Variants in DHRSX observed in about 807,000 individuals in gnomAD.
The protein encoded by DHRSX is dehydrogenase/reductase X-linked, also known as polyprenol dehydrogenase.
A neutral mutation model predicts 34.0 loss-of-function variants in DHRSX; 31 were observed. The observed-to-expected ratio is 0.91, with a 90% confidence interval of 0.69 to 1.23. The LOEUF (loss-of-function observed/expected upper bound fraction) is 1.23, where lower values mean the gene tolerates loss of function less well. Among genes scored for constraint, DHRSX ranks in the 50% most tolerant of loss-of-function variants. The pLI is 0.00. For synonymous variants in DHRSX, 201 were observed against 183.8 expected (o/e 1.09, Z -0.76); for missense variants, 414 against 428.1 (o/e 0.97, Z 0.29).
intron 6 of DHRSX, among the ~76,000 whole-genome samples, chrX:2,230,466 G>A (rs1346068072): frequency 6.6e-6 from 1 of 152,190 alleles, no homozygotes; most frequent in Non-Finnish European, 1.5e-5. Context: ...GCTGTTTAAT[G>A]TCAGGTAACA....
At chrX:2,394,788 C>G (rs2043388580) in intron 3 of DHRSX, among the ~76,000 whole-genome samples, 1 of 151,964 alleles carries the variant, frequency 6.6e-6, no homozygotes, top group African/African-American at 2.4e-5. Flanking sequence ...ATGGCGTGAA[C>G]CTGGGAGGCG....
intron 1 of DHRSX, among the ~76,000 whole-genome samples, chrX:2,469,822 C>T (rs1464138226): frequency 3.3e-5 from 5 of 152,186 alleles, no homozygotes; most frequent in African/African-American, 1.2e-4. Flanking sequence ...ATAGTGAAGA[C>T]GTTCCAAAGG....
rs1045372193 is a variant in DHRSX at position 2,461,250 on chromosome X, G to A, written c.110-35946C>T. On this transcript the variant is annotated intron_variant, in intron 1 of 6. Coordinates refer to ENST00000334651, the MANE Select transcript of DHRSX (RefSeq NM_145177.3). ...TTAAACACAAATAAAATAGGAGTCC[G>A]GTGACCTCGAACACCCCAGGGTAAG... Among the ~76,000 whole-genome samples the A allele has an allele frequency of 2.2e-4, 33 of 152,250 alleles. No homozygotes were observed. The South Asian group carries it at 2.3e-3, about 11-fold the overall frequency.
At chrX:2,492,100 A>G (rs2045164981) in intron 1 of DHRSX, among the ~76,000 whole-genome samples, 1 of 152,330 alleles carries the variant, frequency 6.6e-6, no homozygotes, top group East Asian at 1.9e-4. Flanking sequence ...TATTTCAATG[A>G]TGACTATAGT....
At chrX:2,402,968 C>T (rs1236317599) in intron 3 of DHRSX, among the ~76,000 whole-genome samples, 2 of 150,556 alleles carry the variant, frequency 1.3e-5, no homozygotes, top group Admixed American at 6.6e-5. Flanking sequence ...CAGCAACCTC[C>T]GCCTCCCAGA....
At chrX:2,405,966 G>A (rs1052294364) in intron 3 of DHRSX, among the ~76,000 whole-genome samples, 1 of 151,700 alleles carries the variant, frequency 6.6e-6, no homozygotes, top group African/African-American at 2.4e-5. Context: ...TTAGCATTTG[G>A]ATGGCCAACA....
At chrX:2,455,598 G>C (rs925265048) in intron 1 of DHRSX, among the ~76,000 whole-genome samples, 3 of 151,748 alleles carry the variant, frequency 2.0e-5, no homozygotes, top group African/African-American at 4.8e-5. Context: ...AAAATTAGTC[G>C]GGCATGGTGG....
At chrX:2,293,890 G>A (rs34579228) in intron 3 of DHRSX, among the ~76,000 whole-genome samples, 56,371 of 151,814 alleles carry the variant, frequency 0.37, 11,639 homozygotes, top group Middle Eastern at 0.53. Flanking sequence ...TCAATTTTAT[G>A]ACAGACACAC....
intron 6 of DHRSX, among the ~76,000 whole-genome samples, chrX:2,241,993 C>T (rs1235305310): frequency 6.6e-6 from 1 of 152,104 alleles, no homozygotes; most frequent in Non-Finnish European, 1.5e-5. Flanking sequence ...CCATTGACTT[C>T]TCTTTAAAAT....
chrX:2,362,577 G>A (rs1427685942), intron 3 of DHRSX, among the ~76,000 whole-genome samples: 1 of 152,192 alleles, frequency 6.6e-6, no homozygotes, highest in Non-Finnish European at 1.5e-5. Context: ...AGGATTGCCG[G>A]CATAAGCCAC....
chrX:2,362,439 T>G (rs2042944285), intron 3 of DHRSX, among the ~76,000 whole-genome samples: 1 of 152,164 alleles, frequency 6.6e-6, no homozygotes, highest in Non-Finnish European at 1.5e-5. Flanking sequence ...TAGCTGGGAT[T>G]ACAGGCGCCC....
At position 2,500,841 on chromosome X, in the gene DHRSX, AGCGCCGCAGCAGCT is replaced by A; in HGVS notation, c.71_84del (p.Gln24LeufsTer15). On this transcript the variant is annotated frameshift_variant, in exon 1 of 7. Transcript: ENST00000334651. LOFTEE classifies it high-confidence loss of function. ...CCTGGCTCCAGGAAGCCCCCGCGGC[AGCGCCGCAGCAGCT>A]GCGCCAGGATCACCGCGGCGCCTAC... is the stretch of plus-strand genomic sequence containing the variant. 1 of 1,126,082 alleles carries A rather than the reference AGCGCCGCAGCAGCT, an allele frequency of 8.9e-7. No individual in the cohort carries two copies. The highest frequency in any genetic ancestry group is 1.8e-5 in the African/African-American group (1 of 57,102). 69.8% of individuals were successfully genotyped at this position (1,126,082 alleles called of 1,614,324 possible). A position where few individuals can be genotyped will look rare whatever the true frequency, so the allele number is the denominator to read the frequency against.
intron 1 of DHRSX, among the ~76,000 whole-genome samples, chrX:2,453,351 G>T (rs1052000985): frequency 7.3e-5 from 11 of 150,654 alleles, no homozygotes; most frequent in Admixed American, 4.0e-4. Flanking sequence ...CTGGGCAACA[G>T]AATGAAACCC....
intron 3 of DHRSX, among the ~76,000 whole-genome samples, chrX:2,353,710 AG>A (rs1194071765): frequency 4.6e-5 from 7 of 151,028 alleles, no homozygotes; most frequent in Admixed American, 2.0e-4. Flanking sequence ...CAGCCCCCTG[AG>A]TAGGTGGGAC....
chrX:2,358,317 A>G (rs1418482447), intron 3 of DHRSX, among the ~76,000 whole-genome samples: 8 of 152,210 alleles, frequency 5.3e-5, no homozygotes, highest in Non-Finnish European at 1.2e-4. Context: ...AAACAAAACA[A>G]AAATAAAAAC....
intron 1 of DHRSX, among the ~76,000 whole-genome samples, chrX:2,494,605 CA>C (rs2045236830): frequency 6.6e-6 from 1 of 151,828 alleles, no homozygotes; most frequent in South Asian, 2.1e-4. Flanking sequence ...TCTGGCACTT[CA>C]GTCAAAGGTT....
At chrX:2,267,609 G>A (rs2041492619) in intron 4 of DHRSX, among the ~76,000 whole-genome samples, 1 of 151,658 alleles carries the variant, frequency 6.6e-6, no homozygotes. Context: ...ACACAAGAGA[G>A]TGAGAATCAT....
At chrX:2,489,070 C>G in intron 1 of DHRSX, 1 of 1,613,910 alleles carries the variant, frequency 6.2e-7, no homozygotes, top group Non-Finnish European at 8.5e-7. Context: ...GGCAGAAGAT[C>G]TCGGCCAGCA....
In DHRSX at chrX:2,320,832, A is replaced by G. The variant is rs2042302305; in HGVS notation, c.287-29229T>C. On this transcript the variant is annotated intron_variant, in intron 3 of 6. Coordinates refer to ENST00000334651, the MANE Select transcript of DHRSX (RefSeq NM_145177.3). The stretch of plus-strand genomic sequence containing the variant: ...TTAGCTTCCAATGAGAAACAGGTGC[A>G]CAATCAAGGTCTAAAGATAAAGAGG... Among the ~76,000 whole-genome samples the G allele has an allele frequency of 5.3e-5, 8 of 151,936 alleles. No individual in the cohort carries two copies. In the South Asian group the frequency reaches 1.7e-3, roughly 31 times the overall value.
Sources: gnomAD v4.1 joint callset for allele counts (sites outside exome capture counted in the v4.1 genomes callset) on GRCh38, gnomAD v4.1.1 for gene constraint, MANE v1.5 for transcripts, NCBI Gene and HGNC (gene_info 2026-07-23, HGNC 2026-07-21) for gene names.